CNTNAP2: variants seen among roughly 807,000 people sequenced by gnomAD.
CNTNAP2 encodes contactin-associated protein-like 2.
A neutral mutation model predicts 155.2 loss-of-function variants in CNTNAP2; 98 were observed. The observed-to-expected ratio is 0.63, with a 90% CI of 0.54 to 0.75. CNTNAP2 has a LOEUF of 0.75. Ranked by LOEUF, CNTNAP2 falls within the 30% of genes least tolerant of loss-of-function variation. The probability of loss-of-function intolerance (pLI) is 0.00; values close to 1 mark genes in which losing one functional copy is unlikely to be tolerated. For missense variants in CNTNAP2, 1,727 were observed against 1,688.1 expected, an observed-to-expected ratio of 1.02 and a Z score of -0.40; for synonymous variants, 651 against 631.2, an observed-to-expected ratio of 1.03 and a Z score of -0.47.
intron 13 of CNTNAP2, among the ~76,000 whole-genome samples, chr7:147,858,268 G>A (rs1171177962): frequency 6.6e-6 from 1 of 152,036 alleles, no homozygotes; most frequent in Non-Finnish European, 1.5e-5. Context: ...TGTATTCTTA[G>A]TAGAGACAGG....
At chr7:146,611,095 T>C (rs1020874149) in intron 1 of CNTNAP2, among the ~76,000 whole-genome samples, 17 of 152,232 alleles carry the variant, frequency 1.1e-4, no homozygotes, top group African/African-American at 3.9e-4. Context: ...AAGCCGTTTA[T>C]GTATTTTGCT....
chr7:148,126,842 T>G (rs908552735), intron 16 of CNTNAP2, among the ~76,000 whole-genome samples: 1 of 152,180 alleles, frequency 6.6e-6, no homozygotes, highest in African/African-American at 2.4e-5. Flanking sequence ...ATAGGCCAAC[T>G]GTTCGCCTGG....
intron 14 of CNTNAP2, among the ~76,000 whole-genome samples, chr7:147,945,706 T>TATATATAA (rs34411745): frequency 2.5e-4 from 37 of 147,376 alleles, no homozygotes; most frequent in Non-Finnish European, 4.5e-4. Context: ...TATATATATA[T>TATATATAA]AACTAATCAC....
chr7:148,194,500 T>C (rs1355183481), intron 18 of CNTNAP2, among the ~76,000 whole-genome samples: 4 of 151,768 alleles, frequency 2.6e-5, no homozygotes, highest in Admixed American at 2.6e-4. Flanking sequence ...ACCAGTAGGA[T>C]AAGTATAATA....
At chr7:147,788,572 T>A (rs147368397) in intron 13 of CNTNAP2, among the ~76,000 whole-genome samples, 1 of 152,350 alleles carries the variant, frequency 6.6e-6, no homozygotes, top group Non-Finnish European at 1.5e-5. Flanking sequence ...TAGGTCCTTA[T>A]CTTCATTCCC....
At chr7:146,929,848 GATGAAATAA>G (rs1260055896) in intron 3 of CNTNAP2, among the ~76,000 whole-genome samples, 1 of 152,162 alleles carries the variant, frequency 6.6e-6, no homozygotes, top group African/African-American at 2.4e-5. Context: ...AGTGATGGAA[GATGAAATAA>G]ATGAAATGAA....
intron 13 of CNTNAP2, among the ~76,000 whole-genome samples, chr7:147,806,551 G>T (rs1407651018): frequency 6.6e-6 from 1 of 152,166 alleles, no homozygotes; most frequent in Non-Finnish European, 1.5e-5. Context: ...TGCACTCCCA[G>T]GTTTATTGCA....
intron 10 of CNTNAP2, among the ~76,000 whole-genome samples, chr7:147,425,732 C>T (rs746228436): frequency 8.5e-5 from 13 of 152,170 alleles, no homozygotes; most frequent in Middle Eastern, 3.4e-3. Context: ...TGGAAAATAT[C>T]GAAGAGATGA....
chr7:148,208,908 A>C (rs2116742185), intron 18 of CNTNAP2, among the ~76,000 whole-genome samples: 1 of 152,180 alleles, frequency 6.6e-6, no homozygotes, highest in South Asian at 2.1e-4. Flanking sequence ...CTTCCTTTGC[A>C]AGCTCATTTC....
chr7:147,121,260 C>CT (rs1563083955), intron 6 of CNTNAP2, 97 bp downstream of exon 6: 1 of 1,200,254 alleles, frequency 8.3e-7, no homozygotes, highest in African/African-American at 1.5e-5. Flanking sequence ...CTACTTACAC[C>CT]TTTTTTATTT....
chr7:147,734,448 G>A (rs1796801551), intron 13 of CNTNAP2, among the ~76,000 whole-genome samples: 1 of 152,196 alleles, frequency 6.6e-6, no homozygotes, highest in African/African-American at 2.4e-5. Flanking sequence ...TTGCATCAAT[G>A]TTCATCAGGG....
intron 3 of CNTNAP2, among the ~76,000 whole-genome samples, chr7:146,847,071 G>A (rs796474415): frequency 4.2e-5 from 6 of 142,266 alleles, no homozygotes; most frequent in African/African-American, 1.2e-4. Flanking sequence ...TTTTTTTATC[G>A]TGTCAAGGTT....
chr7:146,329,977 T>A (rs1801155740), intron 1 of CNTNAP2, among the ~76,000 whole-genome samples: 1 of 150,726 alleles, frequency 6.6e-6, no homozygotes, highest in African/African-American at 2.5e-5. Flanking sequence ...ATTTTCTTCG[T>A]TAAAAATCTC....
At chr7:148,226,782 T>C (rs1484457150) in intron 19 of CNTNAP2, among the ~76,000 whole-genome samples, 3 of 152,182 alleles carry the variant, frequency 2.0e-5, no homozygotes, top group Non-Finnish European at 4.4e-5. Context: ...ACCCCAGAAC[T>C]ATGCCAATGT....
chr7:148,264,346 A>G (rs146410162), intron 20 of CNTNAP2, among the ~76,000 whole-genome samples: 1,744 of 152,300 alleles, frequency 0.011, 36 homozygotes, highest in African/African-American at 0.036. Context: ...ATTGACTATC[A>G]GCTGGCAGTT....
intron 1 of CNTNAP2, among the ~76,000 whole-genome samples, chr7:146,459,699 G>A (rs151214644): frequency 4.6e-5 from 7 of 152,252 alleles, no homozygotes; most frequent in Admixed American, 6.5e-5. Context: ...GGACAAGCGC[G>A]GTGCCTCACG....
chr7:146,428,049 G>A lies in CNTNAP2; in HGVS notation c.97+311076G>A, dbSNP rs977284101. On this transcript the variant is annotated intron_variant, in intron 1 of 23. Transcript: ENST00000361727. The stretch of plus-strand genomic sequence containing the variant: ...AGGATAATGGCCCCCAGCTCCATCC[G>A]TGTCCCTGCAAAGGACATAGTCTCG... 4.6e-5 allele frequency among the ~76,000 whole-genome samples: 7 copies of A among 152,208 alleles called. No homozygotes were observed. The East Asian group carries it at 7.7e-4, about 17-fold the overall frequency.
At chr7:147,623,317 T>A (rs995201304) in intron 12 of CNTNAP2, among the ~76,000 whole-genome samples, 2 of 152,084 alleles carry the variant, frequency 1.3e-5, no homozygotes, top group African/African-American at 4.8e-5. Context: ...AGTCATATTA[T>A]CCTTGTTTGC....
rs1005116248 is a variant in CNTNAP2, at chr7:148,340,494, A to C, written c.3476-43155A>C. Among the ~76,000 whole-genome samples, 14 of 152,312 alleles carry C rather than the reference A, an allele frequency of 9.2e-5. No individual in the cohort carries two copies. The South Asian group carries it at 2.9e-3, about 32-fold the overall frequency. ...TTGGTTATCCATGAAGGTGGCTTTA[A>C]TATTTCACCCTCATATTTGGCAGAC... is the stretch of plus-strand genomic sequence containing the variant. On this transcript the variant is annotated intron_variant, in intron 21 of 23. Transcript: ENST00000361727.
Sources: allele counts gnomAD v4.1 joint callset (sites outside exome capture counted in the v4.1 genomes callset), GRCh38; gene constraint gnomAD v4.1.1; transcripts MANE v1.5; gene names NCBI Gene and HGNC (gene_info 2026-07-23, HGNC 2026-07-21).